The following KCNAB1 variants were observed in gnomAD, a reference collection of about 807,000 sequenced individuals.
KCNAB1 encodes voltage-gated potassium channel subunit beta-1.
In KCNAB1, 35 loss-of-function variants were observed where a neutral mutation model predicts 64.6. The ratio of observed to expected loss-of-function variants is 0.54; its 90% CI spans 0.41 to 0.72. The LOEUF (loss-of-function observed/expected upper bound fraction) is 0.72. Ranked by LOEUF, KCNAB1 falls within the 30% of genes least tolerant of loss-of-function variation. KCNAB1 has a pLI of 0.00. For missense variants in KCNAB1, 401 were observed against 512.9 expected (o/e 0.78, Z 2.11); for synonymous variants, 177 against 183.8 (o/e 0.96, Z 0.30).
intron 1 of KCNAB1, among the ~76,000 whole-genome samples, chr3:156,350,819 T>G (rs1472368385): frequency 2.6e-5 from 4 of 152,270 alleles, no homozygotes; most frequent in African/African-American, 9.6e-5. Flanking sequence ...TGGTTAATCA[T>G]TAAATAATAT....
rs542287176 is a variant in KCNAB1 at position 156,431,574 on chromosome 3, C to T, written c.319+9915C>T. On this transcript the variant is annotated intron_variant, in intron 2 of 13. Transcript: ENST00000490337. ...AATGCACCGAGGATGACTGTGCAGA[C>T]ATTCATAGGAATGCCTTAAGGGCCT... Among the ~76,000 whole-genome samples, 5 of 152,260 alleles carry T rather than the reference C, an allele frequency of 3.3e-5. No individual in the cohort carries two copies. In the South Asian group the frequency reaches 1.0e-3, roughly 32 times the overall value.
intron 13 of KCNAB1, among the ~76,000 whole-genome samples, chr3:156,533,060 G>A (rs375323662): frequency 9.2e-5 from 14 of 152,154 alleles, no homozygotes; most frequent in African/African-American, 3.4e-4. Flanking sequence ...TGTATACCAG[G>A]TACTGGAGAT....
At chr3:156,482,620 CCTCA>C (rs1714911488) in intron 8 of KCNAB1, among the ~76,000 whole-genome samples, 3 of 152,028 alleles carry the variant, frequency 2.0e-5, no homozygotes, top group African/African-American at 7.2e-5. Flanking sequence ...AAGAGTCAGA[CCTCA>C]ATTCAAATCC....
intron 1 of KCNAB1, among the ~76,000 whole-genome samples, chr3:156,181,824 G>C (rs1712838396): frequency 6.6e-6 from 1 of 152,096 alleles, no homozygotes; most frequent in Non-Finnish European, 1.5e-5. Context: ...GTGGGGTAGG[G>C]GGAGTAAAGA....
chr3:156,202,385 G>A (rs976362011), intron 1 of KCNAB1, among the ~76,000 whole-genome samples: 3 of 152,150 alleles, frequency 2.0e-5, no homozygotes, highest in Non-Finnish European at 2.9e-5. Flanking sequence ...CAGTGTTCTC[G>A]GCTTCCTCCT....
intron 1 of KCNAB1, among the ~76,000 whole-genome samples, chr3:156,275,513 T>A (rs1325772712): frequency 1.3e-5 from 2 of 152,194 alleles, no homozygotes; most frequent in African/African-American, 4.8e-5. Context: ...TAGCAAGCAA[T>A]GCTATTTGAT....
At chr3:156,198,188 G>A (rs780662391) in intron 1 of KCNAB1, among the ~76,000 whole-genome samples, 2 of 152,190 alleles carry the variant, frequency 1.3e-5, no homozygotes, top group Non-Finnish European at 2.9e-5. Flanking sequence ...TGCATTTGCT[G>A]AGGAATGTTT....
chr3:156,383,466 A>T (rs1712333828), intron 1 of KCNAB1, among the ~76,000 whole-genome samples: 2 of 152,124 alleles, frequency 1.3e-5, no homozygotes, highest in Non-Finnish European at 2.9e-5. Context: ...CACTCTTAGG[A>T]TAAATACCCA....
At chr3:156,317,173 CAG>C (rs1323854095) in intron 1 of KCNAB1, among the ~76,000 whole-genome samples, 2 of 152,258 alleles carry the variant, frequency 1.3e-5, no homozygotes, top group Non-Finnish European at 2.9e-5. Flanking sequence ...TTATTCTACT[CAG>C]AGGTGGGATA....
intron 1 of KCNAB1, among the ~76,000 whole-genome samples, chr3:156,378,521 C>A (rs1456953379): frequency 6.6e-6 from 1 of 152,158 alleles, no homozygotes; most frequent in African/African-American, 2.4e-5. Context: ...TCACACCCTT[C>A]CTTCTTCCTC....
chr3:156,246,230 C>T (rs1291382321), intron 1 of KCNAB1, among the ~76,000 whole-genome samples: 8 of 152,226 alleles, frequency 5.3e-5, no homozygotes, highest in South Asian at 2.1e-4. Context: ...ATGGAAAATT[C>T]GCAATATATG....
chr3:156,216,109 G>A (rs188523267), intron 1 of KCNAB1, among the ~76,000 whole-genome samples: 110 of 152,318 alleles, frequency 7.2e-4, no homozygotes, highest in African/African-American at 2.5e-3. Flanking sequence ...CAGAAGCACT[G>A]TTGAGGTCTG....
chr3:156,239,246 T>C (rs1291470948), intron 1 of KCNAB1, among the ~76,000 whole-genome samples: 1 of 152,254 alleles, frequency 6.6e-6, no homozygotes, highest in African/African-American at 2.4e-5. Flanking sequence ...TCTGCTTCTT[T>C]CTTGGGTATT....
rs149943773 is a variant in KCNAB1 at position 156,367,383 on chromosome 3, G to A, written c.276-54233G>A. 7.1e-3 allele frequency among the ~76,000 whole-genome samples: 1,068 copies of A among 151,006 alleles called. 8 individuals are homozygous for A. The highest frequency in any genetic ancestry group is 0.025 in the African/African-American group (1,020 of 41,070). On this transcript the variant is annotated intron_variant, in intron 1 of 13. Coordinates refer to ENST00000490337, the MANE Select transcript of KCNAB1 (RefSeq NM_172160.3). ...TTTTTAGTAGAGACGGGGTTTCACT[G>A]TGTTAGCCAGGATGGTCTCGATCTC...
chr3:156,349,621 G>A (rs1446104226), intron 1 of KCNAB1, among the ~76,000 whole-genome samples: 1 of 152,092 alleles, frequency 6.6e-6, no homozygotes, highest in Non-Finnish European at 1.5e-5. Flanking sequence ...GAGTGCAGTG[G>A]CACCATCACG....
intron 8 of KCNAB1, among the ~76,000 whole-genome samples, chr3:156,504,357 G>T (rs553671039): frequency 1.8e-4 from 27 of 152,210 alleles, no homozygotes; most frequent in African/African-American, 4.6e-4. Context: ...AGTGTGAATT[G>T]TGCCGAAATA....
At chr3:156,202,928 A>G (rs565174004) in intron 1 of KCNAB1, among the ~76,000 whole-genome samples, 6 of 142,684 alleles carry the variant, frequency 4.2e-5, no homozygotes, top group Non-Finnish European at 6.1e-5. Flanking sequence ...TTTACTTGCT[A>G]TAAGTTTTAA....
chr3:156,163,964 G>A (rs1716227523), intron 1 of KCNAB1, among the ~76,000 whole-genome samples: 1 of 152,204 alleles, frequency 6.6e-6, no homozygotes, highest in Non-Finnish European at 1.5e-5. Flanking sequence ...TCCAACTGAG[G>A]AGTTGGATGC....
At chr3:156,489,283 T>G (rs1038723630) in intron 8 of KCNAB1, among the ~76,000 whole-genome samples, 2 of 152,052 alleles carry the variant, frequency 1.3e-5, no homozygotes, top group Non-Finnish European at 2.9e-5. Flanking sequence ...TCTCCAGTGT[T>G]AGGAGGTTGA....
Sources: allele counts gnomAD v4.1 joint callset (sites outside exome capture counted in the v4.1 genomes callset), GRCh38; gene constraint gnomAD v4.1.1; transcripts MANE v1.5; gene names NCBI Gene and HGNC (gene_info 2026-07-23, HGNC 2026-07-21).